CECR2: variants seen among roughly 807,000 people sequenced by gnomAD.
The protein encoded by CECR2 is chromatin remodeling regulator CECR2.
A neutral mutation model predicts 154.5 loss-of-function variants in CECR2; 30 were observed. The ratio of observed to expected loss-of-function variants is 0.19; its 90% CI spans 0.15 to 0.26. CECR2 has a LOEUF of 0.26. CECR2 is among the 10% of genes least tolerant of loss of function. CECR2 has a pLI of 1.00. For synonymous variants in CECR2, 725 were observed against 683.7 expected (o/e 1.06, Z -0.94); for missense variants, 1,743 against 1,829.3 (o/e 0.95, Z 0.86).
upstream of CECR2, among the ~76,000 whole-genome samples, chr22:17,366,243 C>G (rs891851940): frequency 6.6e-6 from 1 of 152,120 alleles, no homozygotes; most frequent in Non-Finnish European, 1.5e-5. Flanking sequence ...GGCTGGAGTA[C>G]AGTGGCACGA....
At chr22:17,524,333 C>G (rs1428259542) in intron 9 of CECR2, 62 bp downstream of exon 9, 1 of 1,582,828 alleles carries the variant, frequency 6.3e-7, no homozygotes, top group South Asian at 1.1e-5. Context: ...GTCCTGTAGC[C>G]AGAGCCAACT....
intron 9 of CECR2, among the ~76,000 whole-genome samples, chr22:17,531,517 T>A (rs898007123): frequency 6.6e-6 from 1 of 152,056 alleles, no homozygotes; most frequent in Non-Finnish European, 1.5e-5. Context: ...AAGCAGAACA[T>A]GAAAATTGGA....
chr22:17,415,823 A>C (rs1202485101), intron 1 of CECR2, among the ~76,000 whole-genome samples: 3 of 152,188 alleles, frequency 2.0e-5, no homozygotes, highest in Admixed American at 6.5e-5. Flanking sequence ...AAATAATTTG[A>C]AACTTTTATC....
intron 9 of CECR2, among the ~76,000 whole-genome samples, chr22:17,534,190 G>A (rs1306468969): frequency 1.3e-5 from 2 of 152,102 alleles, no homozygotes; most frequent in Non-Finnish European, 2.9e-5. Flanking sequence ...GCCAGGCGTG[G>A]TGGTGTGTGC....
At chr22:17,447,652 TAAA>T (rs5844311) in intron 1 of CECR2, among the ~76,000 whole-genome samples, 1 of 134,208 alleles carries the variant, frequency 7.5e-6, no homozygotes, top group African/African-American at 2.7e-5. Context: ...CCCAGAGACT[TAAA>T]AAAAAAAAAG....
chr22:17,501,529 G>C (rs2055737498), intron 5 of CECR2, among the ~76,000 whole-genome samples: 1 of 151,704 alleles, frequency 6.6e-6, no homozygotes, highest in Admixed American at 6.6e-5. Flanking sequence ...CTGCACTCCA[G>C]CCTGGGCGAC....
At position 17,511,818 on chromosome 22, in the gene CECR2, A is replaced by G. The variant is rs748458393; in HGVS notation, c.876A>G (p.Lys292=). The G allele has an allele frequency of 1.2e-6, 2 of 1,611,430 alleles. No homozygotes were observed. The highest frequency in any genetic ancestry group is 2.2e-5 in the East Asian group (1 of 44,850). Residue 292 remains lysine, a synonymous_variant, in exon 8 of 19, where the codon AAA becomes AAG. Transcript: ENST00000262608. ...EICNMIAQKG[K]RPQRTKAELH... ...TTCTTCACTTCTAACTATAGGGAAA[A>G]CGTCCACAGCGCACAAAGGCAGAGT...
intron 2 of CECR2, among the ~76,000 whole-genome samples, chr22:17,490,147 T>TTTTGTG (rs1555917192): frequency 4.7e-4 from 70 of 149,774 alleles, no homozygotes; most frequent in South Asian, 6.4e-4. Context: ...TGTTTTTTTT[T>TTTTGTG]TGTGTGTGTG....
In CECR2 at chr22:17,542,537, C is replaced by T. The variant is rs747707638; in HGVS notation, c.2394C>T (p.Pro798=). ...AGAAGCCCCACCTGGGGCCAGGACC[C>T]TCTCACCAGCCTCGCACTCTCGGTC... The part of the protein sequence containing the change: ...PDEKPHLGPG[P]SHQPRTLGHV... Residue 798 remains proline, a synonymous_variant, in exon 16 of 19, where the codon CCC becomes CCT. Coordinates refer to ENST00000262608, the MANE Select transcript of CECR2 (RefSeq NM_001290047.2). The T allele has an allele frequency of 6.2e-6, 10 of 1,614,010 alleles. No homozygotes were observed. Among genetic ancestry groups the T allele is most frequent in the Middle Eastern group, 1.6e-4 (1 of 6,062 alleles).
chr22:17,406,342 G>A (rs192923639), intron 1 of CECR2, among the ~76,000 whole-genome samples: 4 of 152,182 alleles, frequency 2.6e-5, no homozygotes, highest in Non-Finnish European at 4.4e-5. Context: ...CCAACATGAC[G>A]AAACCCCGTC....
chr22:17,454,584 G>A lies in CECR2; in HGVS notation c.127-23004G>A, dbSNP rs539906272. On this transcript the variant is annotated intron_variant, in intron 1 of 18. Transcript: ENST00000262608. ...CGCACCACTGCACTCCAGCCTGGGC[G>A]ACACAGCGAGACTCCGTCTCAAAAA... is the stretch of plus-strand genomic sequence containing the variant. Among the ~76,000 whole-genome samples, 24 of 144,768 alleles carry A rather than the reference G, an allele frequency of 1.7e-4. No individual in the cohort carries two copies. In the East Asian group the frequency reaches 4.8e-3, roughly 29 times the overall value. 95.0% of individuals were successfully genotyped at this position (144,768 alleles called of 152,430 possible). A position where few individuals can be genotyped will look rare whatever the true frequency, so the allele number is the denominator to read the frequency against.
chr22:17,386,472 C>T (rs533065439), intron 1 of CECR2, among the ~76,000 whole-genome samples: 7 of 152,182 alleles, frequency 4.6e-5, no homozygotes, highest in Admixed American at 4.6e-4. Context: ...GTTGTAGGGC[C>T]CCCTTTCTCA....
In CECR2 at chr22:17,548,981, C is replaced by A. The variant is rs748094620; in HGVS notation, c.3694C>A (p.Pro1232Thr). Residue 1232 changes from proline (P) to threonine (T), a missense_variant, in exon 17 of 19, where the codon CCA becomes ACA. Pro to Thr is a conservative substitution (Grantham distance 38). This residue lies in a region of CECR2 where 1,250 missense variants were observed against 1,192.1 expected (regional missense o/e 1.05). Coordinates refer to ENST00000262608, the MANE Select transcript of CECR2 (RefSeq NM_001290047.2). ...PSGPPASQPP[P>T]PRSLFSDKNA... ...CGGACCCCCAGCCAGTCAGCCTCCC[C>A]CACCAAGGTCCCTCTTCTCAGATAA... is the stretch of plus-strand genomic sequence containing the variant. 6.2e-7 allele frequency: 1 copy of A among 1,614,020 alleles called. No homozygotes were observed. The highest frequency in any genetic ancestry group is 8.5e-7 in the Non-Finnish European group (1 of 1,179,900).
At chr22:17,377,438 T>C (rs983882588) in intron 1 of CECR2, among the ~76,000 whole-genome samples, 1 of 152,140 alleles carries the variant, frequency 6.6e-6, no homozygotes, top group African/African-American at 2.4e-5. Flanking sequence ...TCATTTTTTT[T>C]TTTTTTTAAA....
At chr22:17,363,549 G>T (rs1786704946) in intron 1 of CECR2, among the ~76,000 whole-genome samples, 1 of 151,902 alleles carries the variant, frequency 6.6e-6, no homozygotes, top group African/African-American at 2.4e-5. Context: ...CACTATGTTG[G>T]CCAGGCTGGG....
chr22:17,516,445 A>G (rs1270687698), intron 8 of CECR2, among the ~76,000 whole-genome samples: 6 of 152,072 alleles, frequency 3.9e-5, no homozygotes, highest in African/African-American at 1.4e-4. Context: ...AAAAGTATTG[A>G]TATGGTTTGG....
chr22:17,377,240 T>C (rs942040864), intron 1 of CECR2, among the ~76,000 whole-genome samples: 1 of 152,160 alleles, frequency 6.6e-6, no homozygotes, highest in Non-Finnish European at 1.5e-5. Context: ...GTTTGCAAAT[T>C]ATAGGAATTT....
At chr22:17,524,364 A>G (rs1274286496) in intron 9 of CECR2, 93 bp downstream of exon 9, 2 of 1,277,656 alleles carry the variant, frequency 1.6e-6, no homozygotes, top group Non-Finnish European at 2.1e-6. Context: ...CCTGCCATGC[A>G]TCCAAGTTGT....
At chr22:17,431,799 T>C (rs2189077) in intron 1 of CECR2, among the ~76,000 whole-genome samples, 28,486 of 149,508 alleles carry the variant, frequency 0.19, 2,805 homozygotes, top group East Asian at 0.23. Flanking sequence ...CGCGGCTTAT[T>C]GAGATATTCA....
Sources: gnomAD v4.1 joint callset for allele counts (sites outside exome capture counted in the v4.1 genomes callset) on GRCh38, gnomAD v4.1.1 for gene constraint, gnomAD v4.1.1 regional missense constraint, MANE v1.5 for transcripts, NCBI Gene and HGNC (gene_info 2026-07-23, HGNC 2026-07-21) for gene names.